ABCB1: variants seen among roughly 807,000 people sequenced by gnomAD.
The protein encoded by ABCB1 is ATP binding cassette subfamily B member 1, also known as ATP-dependent translocase ABCB1.
ABCB1 carries 69 observed loss-of-function variants against 142.0 expected under a neutral mutation model. That is an observed-to-expected ratio of 0.49 (90% CI 0.40 to 0.59). The LOEUF is 0.59. Among genes scored for constraint, ABCB1 ranks in the 20% least tolerant of loss-of-function variants. The pLI is 0.00. For missense variants in ABCB1, 1,326 were observed against 1,554.7 expected (o/e 0.85, Z 2.47); for synonymous variants, 532 against 539.2 (o/e 0.99, Z 0.18).
chr7:87,709,402 C>T, intron 1 of ABCB1: 1 of 985,386 alleles, frequency 1.0e-6, no homozygotes, highest in Non-Finnish European at 1.2e-6. Context: ...CTTGCCTCTT[C>T]CTTCCTCTGT....
At chr7:87,563,815 C>A (rs562052646) in intron 7 of ABCB1, among the ~76,000 whole-genome samples, 1 of 152,030 alleles carries the variant, frequency 6.6e-6, no homozygotes, top group Non-Finnish European at 1.5e-5. Flanking sequence ...ACATAGACAC[C>A]ATGGAATACT....
chr7:87,531,855 G>T (rs1034445213), intron 20 of ABCB1, among the ~76,000 whole-genome samples: 2 of 152,036 alleles, frequency 1.3e-5, no homozygotes, highest in Non-Finnish European at 2.9e-5. Context: ...CCAATGTTAG[G>T]TATATTATTA....
chr7:87,541,939 T>C (rs1816558132), intron 17 of ABCB1, among the ~76,000 whole-genome samples: 1 of 152,222 alleles, frequency 6.6e-6, no homozygotes, highest in Admixed American at 6.5e-5. Context: ...GCCTGCCTTC[T>C]TGGTAGGATG....
intron 1 of ABCB1, among the ~76,000 whole-genome samples, chr7:87,622,188 C>T (rs553883284): frequency 6.6e-5 from 10 of 152,014 alleles, no homozygotes; most frequent in Admixed American, 2.0e-4. Flanking sequence ...AGGCAAACAA[C>T]GAACTGGGAA....
intron 1 of ABCB1, among the ~76,000 whole-genome samples, chr7:87,624,953 A>G (rs1184900702): frequency 1.3e-5 from 2 of 152,220 alleles, no homozygotes; most frequent in Non-Finnish European, 2.9e-5. Flanking sequence ...TTCTAAGAGT[A>G]ACATTTGAAA....
Position 87,686,422 on chromosome 7 carries a change from CAAGA to C in ABCB1, c.-331+26735_-331+26738del, listed in dbSNP as rs201957164. On this transcript the variant is annotated intron_variant, in intron 1 of 28. Transcript: ENST00000265724. ...TGGATGGGTGAGGGAAGGCTTTACA[CAAGA>C]AAGAGGCATAGAAGTACCTCAAATG... Among the ~76,000 whole-genome samples the C allele has an allele frequency of 3.8e-3, 572 of 152,196 alleles. 13 individuals carry two copies. The highest frequency in any genetic ancestry group is 0.033 in the Admixed American group (502 of 15,292).
intron 1 of ABCB1, among the ~76,000 whole-genome samples, chr7:87,699,284 C>T (rs1828792042): frequency 6.6e-6 from 1 of 152,094 alleles, no homozygotes; most frequent in Non-Finnish European, 1.5e-5. Flanking sequence ...GATTAAACAA[C>T]TTTCCTAGGG....
chr7:87,675,152 G>A (rs1826199516), intron 1 of ABCB1, among the ~76,000 whole-genome samples: 1 of 152,160 alleles, frequency 6.6e-6, no homozygotes, highest in Non-Finnish European at 1.5e-5. Flanking sequence ...CTAGGAACAA[G>A]TCCCTGTGCT....
chr7:87,626,264 A>G (rs1245929441), intron 1 of ABCB1, among the ~76,000 whole-genome samples: 3 of 77,252 alleles, frequency 3.9e-5, no homozygotes, highest in South Asian at 5.8e-4. Flanking sequence ...TATATGTGTC[A>G]TATATGTGTC....
chr7:87,708,426 C>G (rs1829792953), intron 1 of ABCB1, among the ~76,000 whole-genome samples: 1 of 152,012 alleles, frequency 6.6e-6, no homozygotes, highest in Non-Finnish European at 1.5e-5. Context: ...TAAAAAATTA[C>G]TCACCAAAAC....
intron 1 of ABCB1, among the ~76,000 whole-genome samples, chr7:87,646,636 G>C (rs1022276186): frequency 1.3e-5 from 2 of 152,086 alleles, no homozygotes; most frequent in African/African-American, 4.8e-5. Context: ...CAAAGGTGGA[G>C]GTGGAGGTGG....
Position 87,645,687 on chromosome 7 carries a change from A to T in ABCB1, c.-330-44609T>A, listed in dbSNP as rs143007812. On this transcript the variant is annotated intron_variant, in intron 1 of 28. Coordinates refer to the ABCB1 transcript ENST00000265724. ...GCTCAGCATCTGTGTGATATTTCTT[A>T]GATATATTAAAATTCTTTCTACAGG... Among the ~76,000 whole-genome samples, 6 of 152,310 alleles carry T rather than the reference A, an allele frequency of 3.9e-5. 1 individual carries two copies. The South Asian group carries it at 1.2e-3, about 32-fold the overall frequency.
chr7:87,568,099 T>C (rs1225580520), intron 5 of ABCB1, among the ~76,000 whole-genome samples: 4 of 141,106 alleles, frequency 2.8e-5, no homozygotes, highest in African/African-American at 5.3e-5. Context: ...CTGGACTCCA[T>C]CTCAAAAAAA....
chr7:87,707,185 C>T (rs998022965), intron 1 of ABCB1, among the ~76,000 whole-genome samples: 2 of 151,820 alleles, frequency 1.3e-5, no homozygotes, highest in Non-Finnish European at 2.9e-5. Flanking sequence ...GTCTAGTATA[C>T]AGTAAAAAAT....
intron 1 of ABCB1, chr7:87,650,803 A>G: frequency 6.7e-7 from 1 of 1,491,520 alleles, no homozygotes; most frequent in Admixed American, 1.7e-5. Flanking sequence ...TAAAAGCAAC[A>G]ATAATCTTTT....
At chr7:87,551,493 T>C (rs889291751) in intron 9 of ABCB1, among the ~76,000 whole-genome samples, 2 of 152,178 alleles carry the variant, frequency 1.3e-5, no homozygotes, top group Non-Finnish European at 2.9e-5. Flanking sequence ...AGCATAAAAT[T>C]TTTTTAAAAA....
At chr7:87,547,686 A>G (rs1333770736) in intron 14 of ABCB1, among the ~76,000 whole-genome samples, 1 of 152,090 alleles carries the variant, frequency 6.6e-6, no homozygotes, top group Admixed American at 6.5e-5. Flanking sequence ...CGTGGGCCAC[A>G]TGACGAAACC....
At chr7:87,689,688 CATAATA>C (rs1827836519) in intron 1 of ABCB1, among the ~76,000 whole-genome samples, 1 of 152,070 alleles carries the variant, frequency 6.6e-6, no homozygotes, top group African/African-American at 2.4e-5. Context: ...AGGAGGGTAT[CATAATA>C]ATAATCCCAG....
At chr7:87,670,932 G>A (rs1414803718) in intron 1 of ABCB1, among the ~76,000 whole-genome samples, 2 of 152,156 alleles carry the variant, frequency 1.3e-5, no homozygotes, top group African/African-American at 4.8e-5. Context: ...ATTGTGATTT[G>A]GTACTTCTGG....
Sources: allele counts gnomAD v4.1 joint callset (sites outside exome capture counted in the v4.1 genomes callset), GRCh38; gene constraint gnomAD v4.1.1; transcripts MANE v1.5; gene names NCBI Gene and HGNC (gene_info 2026-07-23, HGNC 2026-07-21).